The following STK32B variants were observed in gnomAD, a reference collection of about 807,000 sequenced individuals.
The protein encoded by STK32B is serine/threonine kinase 32B.
In STK32B, 43 loss-of-function variants were observed where a neutral mutation model predicts 52.6. That is an observed-to-expected ratio of 0.82 (90% CI 0.64 to 1.05). The LOEUF (loss-of-function observed/expected upper bound fraction) is 1.05, where lower values mean the gene tolerates loss of function less well. Among genes scored for constraint, STK32B ranks in the 50% least tolerant of loss-of-function variants. The pLI, the probability that STK32B is intolerant of heterozygous loss-of-function variation, is 0.00. For missense variants in STK32B, 621 were observed against 534.6 expected (o/e 1.16, Z -1.59); for synonymous variants, 238 against 204.3 (o/e 1.17, Z -1.41).
chr4:5,305,609 ACT>A (rs1729875412), intron 3 of STK32B, among the ~76,000 whole-genome samples: 1 of 152,014 alleles, frequency 6.6e-6, no homozygotes, highest in African/African-American at 2.4e-5. Flanking sequence ...GGTTAACCAT[ACT>A]AATGGTCTAT....
intron 4 of STK32B, among the ~76,000 whole-genome samples, chr4:5,382,784 A>G (rs1736014744): frequency 6.6e-6 from 1 of 152,112 alleles, no homozygotes; most frequent in Non-Finnish European, 1.5e-5. Context: ...ATTCTTTTTT[A>G]TGCAACATTG....
intron 2 of STK32B, among the ~76,000 whole-genome samples, chr4:5,143,089 T>TTCTGAC (rs1716604914): frequency 8.2e-6 from 1 of 121,420 alleles, no homozygotes; most frequent in East Asian, 2.8e-4. Context: ...ATAAATCTGT[T>TTCTGAC]TCTGTCTCTG....
At chr4:5,362,762 C>G (rs1019891732) in intron 4 of STK32B, among the ~76,000 whole-genome samples, 6 of 152,300 alleles carry the variant, frequency 3.9e-5, no homozygotes, top group African/African-American at 1.4e-4. Flanking sequence ...GAATCCTCCC[C>G]AATTTCCACT....
At chr4:5,171,960 T>C (rs1719409324) in intron 3 of STK32B, among the ~76,000 whole-genome samples, 1 of 151,954 alleles carries the variant, frequency 6.6e-6, no homozygotes, top group African/African-American at 2.4e-5. Flanking sequence ...TTCTTCCATT[T>C]GTTTGTATCC....
chr4:5,498,786 A>G (rs977349739), intron 11 of STK32B, among the ~76,000 whole-genome samples, 159 bp from the exon 12 acceptor site: 4 of 152,240 alleles, frequency 2.6e-5, no homozygotes, highest in Non-Finnish European at 5.9e-5. Context: ...ATCTGGCTAC[A>G]GTGCACAGCA....
At chr4:5,258,912 C>G (rs1336892056) in intron 3 of STK32B, among the ~76,000 whole-genome samples, 1 of 152,222 alleles carries the variant, frequency 6.6e-6, no homozygotes, top group Non-Finnish European at 1.5e-5. Flanking sequence ...CTATGAGGCT[C>G]CATGTGGTGA....
chr4:5,029,862 G>A, the STK32B span, among the ~76,000 whole-genome samples: 4 of 152,180 alleles, frequency 2.6e-5, no homozygotes, highest in South Asian at 2.1e-4. Context: ...TAATCTCCAC[G>A]TGTCAAGGAA....
chr4:5,231,438 C>T (rs947989901), intron 3 of STK32B, among the ~76,000 whole-genome samples: 3 of 152,046 alleles, frequency 2.0e-5, no homozygotes, highest in African/African-American at 4.8e-5. Context: ...TGGCAAAACC[C>T]CATTTCTACT....
rs532360483 is a variant in STK32B, at chr4:5,467,515, T to C, written c.1042-491T>C. Reference sequence around the variant, plus strand: ...GTCTTAGGGCCTACCTAATTCACTGTGACTTCATCTTAACTGGATTACATC... The same window carrying C: ...GTCTTAGGGCCTACCTAATTCACTGCGACTTCATCTTAACTGGATTACATC... On this transcript the variant is annotated intron_variant, in intron 10 of 11. Transcript: ENST00000282908. The surrounding 1 kb of genome is among the most constrained non-coding windows in gnomAD (Gnocchi z 5.8). Among the ~76,000 whole-genome samples the C allele has an allele frequency of 5.9e-5, 9 of 152,194 alleles. No homozygotes were observed. The highest frequency in any genetic ancestry group is 1.2e-4 in the Non-Finnish European group (8 of 68,042).
intron 2 of STK32B, among the ~76,000 whole-genome samples, chr4:5,146,663 A>C (rs558656954): frequency 9.8e-5 from 15 of 152,300 alleles, no homozygotes; most frequent in South Asian, 2.1e-4. Flanking sequence ...TGCATCCTTC[A>C]ATCCAGTCAA....
chr4:5,346,450 A>C (rs1451194321), intron 4 of STK32B, among the ~76,000 whole-genome samples: 3 of 152,212 alleles, frequency 2.0e-5, no homozygotes, highest in Non-Finnish European at 4.4e-5. Flanking sequence ...GTAAACAAAC[A>C]AACCCAAACC....
At chr4:5,303,452 C>T (rs1382002298) in intron 3 of STK32B, among the ~76,000 whole-genome samples, 2 of 151,910 alleles carry the variant, frequency 1.3e-5, no homozygotes, top group Non-Finnish European at 2.9e-5. Context: ...AGCATTTTTT[C>T]ACATGTTTGT....
chr4:5,258,202 T>G (rs984656369), intron 3 of STK32B, among the ~76,000 whole-genome samples: 2 of 152,074 alleles, frequency 1.3e-5, no homozygotes, highest in African/African-American at 4.8e-5. Flanking sequence ...AACAAAAAAT[T>G]ATAGTGATAT....
chr4:5,246,290 C>T (rs1344961622), intron 3 of STK32B, among the ~76,000 whole-genome samples: 4 of 152,136 alleles, frequency 2.6e-5, no homozygotes, highest in Non-Finnish European at 5.9e-5. Context: ...TCTTTTTTCT[C>T]TAAGATTCTC....
At chr4:5,118,301 G>T (rs1714847228) in intron 1 of STK32B, among the ~76,000 whole-genome samples, 1 of 152,126 alleles carries the variant, frequency 6.6e-6, no homozygotes, top group Non-Finnish European at 1.5e-5. Flanking sequence ...TGTGTCTTTA[G>T]GAATGTATTC....
intron 6 of STK32B, among the ~76,000 whole-genome samples, chr4:5,426,567 T>C (rs1010146744): frequency 2.6e-5 from 4 of 151,448 alleles, no homozygotes; most frequent in Admixed American, 2.6e-4. Context: ...ATTAACTGGG[T>C]GTGGTGGTGT....
At chr4:5,317,342 C>A (rs1463380043) in intron 3 of STK32B, among the ~76,000 whole-genome samples, 1 of 17,994 alleles carries the variant, frequency 5.6e-5, no homozygotes, top group African/African-American at 4.7e-4. Flanking sequence ...ATATATAATA[C>A]ATATATATAA....
intron 4 of STK32B, among the ~76,000 whole-genome samples, chr4:5,356,048 C>G (rs772880756): frequency 1.6e-4 from 25 of 152,150 alleles, no homozygotes; most frequent in Admixed American, 9.8e-4. Context: ...GGTTCCATGT[C>G]AAGCACTGAG....
rs535580446 is a variant in STK32B at position 5,425,428 on chromosome 4, C to T, written c.562+8494C>T. 2.0e-5 allele frequency among the ~76,000 whole-genome samples: 3 copies of T among 152,010 alleles called. No homozygotes were observed. The South Asian group carries it at 6.2e-4, about 32-fold the overall frequency. ...GGCATTTGGCCCTAGGTCAGTGAGG[C>T]TCCACTGTCCATTATCTTTCCTGAG... is the stretch of plus-strand genomic sequence containing the variant. On this transcript the variant is annotated intron_variant, in intron 6 of 11. Transcript: ENST00000282908.
Sources: gnomAD v4.1 joint callset for allele counts (sites outside exome capture counted in the v4.1 genomes callset) on GRCh38, gnomAD v4.1.1 for gene constraint, Gnocchi (gnomAD v3.1) non-coding constraint, MANE v1.5 for transcripts, NCBI Gene and HGNC (gene_info 2026-07-23, HGNC 2026-07-21) for gene names.